Variants in THSD7B observed in about 807,000 individuals in gnomAD.
THSD7B encodes thrombospondin type-1 domain-containing protein 7B.
THSD7B carries 138 observed loss-of-function variants against 213.6 expected under a neutral mutation model. The observed-to-expected ratio is 0.65, with a 90% CI of 0.56 to 0.74. The LOEUF (loss-of-function observed/expected upper bound fraction) is 0.74. Among genes scored for constraint, THSD7B ranks in the 30% least tolerant of loss-of-function variants. THSD7B has a pLI of 0.00. For synonymous variants in THSD7B, 742 were observed against 687.0 expected, an observed-to-expected ratio of 1.08 and a Z score of -1.25; for missense variants, 1,931 against 1,991.5, an observed-to-expected ratio of 0.97 and a Z score of 0.58.
chr2:137,202,821 T>C (rs545933956), intron 7 of THSD7B, among the ~76,000 whole-genome samples: 32 of 152,274 alleles, frequency 2.1e-4, no homozygotes, highest in Admixed American at 1.8e-3. Context: ...TCCAGATTTC[T>C]ATTTGACTCA....
At chr2:137,508,705 G>C (rs1033002690) in intron 15 of THSD7B, among the ~76,000 whole-genome samples, 14 of 151,960 alleles carry the variant, frequency 9.2e-5, no homozygotes, top group Non-Finnish European at 1.9e-4. Flanking sequence ...AGTTAAGCTG[G>C]AGCTCATGTG....
At chr2:136,841,170 T>G (rs912624518) in intron 1 of THSD7B, among the ~76,000 whole-genome samples, 2 of 152,186 alleles carry the variant, frequency 1.3e-5, no homozygotes, top group African/African-American at 4.8e-5. Context: ...GCCAAAGTTT[T>G]ACAGTGGGAA....
At chr2:137,654,605 G>A (rs1683201344) in intron 21 of THSD7B, among the ~76,000 whole-genome samples, 1 of 152,078 alleles carries the variant, frequency 6.6e-6, no homozygotes, top group African/African-American at 2.4e-5. Flanking sequence ...CAGATTCGGG[G>A]GAGGGCTATT....
At chr2:137,038,861 A>G (rs948833639) in intron 2 of THSD7B, among the ~76,000 whole-genome samples, 1 of 152,194 alleles carries the variant, frequency 6.6e-6, no homozygotes, top group Admixed American at 6.5e-5. Flanking sequence ...AGAGTAAGTT[A>G]TATGCTGAGA....
At chr2:136,779,506 T>C (rs1186936092) in intron 1 of THSD7B, among the ~76,000 whole-genome samples, 1 of 152,228 alleles carries the variant, frequency 6.6e-6, no homozygotes, top group Non-Finnish European at 1.5e-5. Flanking sequence ...GTCTCCATTA[T>C]GCTGAGCACA....
At chr2:137,645,483 T>G (rs1440022796) in intron 21 of THSD7B, among the ~76,000 whole-genome samples, 1 of 152,212 alleles carries the variant, frequency 6.6e-6, no homozygotes, top group Non-Finnish European at 1.5e-5. Flanking sequence ...ATGACAGAAA[T>G]TATTAATCTG....
At chr2:137,441,509 G>T (rs531611421) in intron 14 of THSD7B, among the ~76,000 whole-genome samples, 1 of 152,082 alleles carries the variant, frequency 6.6e-6, no homozygotes, top group African/African-American at 2.4e-5. Flanking sequence ...CACTGTGAAG[G>T]TTATTTATTT....
chr2:137,486,850 C>A (rs200882019), intron 15 of THSD7B, among the ~76,000 whole-genome samples: 1 of 152,054 alleles, frequency 6.6e-6, no homozygotes, highest in Non-Finnish European at 1.5e-5. Context: ...CACTCAAAAC[C>A]GCTCAACTAC....
chr2:137,546,438 T>TATATATA (rs1680728533), intron 15 of THSD7B, among the ~76,000 whole-genome samples: 1 of 24,878 alleles, frequency 4.0e-5, no homozygotes, highest in Non-Finnish European at 6.3e-5. Context: ...ATATATATTA[T>TATATATA]ATATATTATA....
intron 12 of THSD7B, among the ~76,000 whole-genome samples, chr2:137,315,515 G>T (rs1180871842): frequency 6.6e-6 from 1 of 151,986 alleles, no homozygotes; most frequent in Non-Finnish European, 1.5e-5. Flanking sequence ...TTCCTATTCA[G>T]CCATCTTGGC....
intron 1 of THSD7B, among the ~76,000 whole-genome samples, chr2:136,807,508 C>CTTTTTTTTTTTTTTT (rs1314267493): frequency 1.0e-4 from 5 of 49,596 alleles, no homozygotes; most frequent in African/African-American, 4.2e-4. Context: ...CAAAATGTTT[C>CTTTTTTTTTTTTTTT]GTTTTTTTTT....
chr2:136,935,465 T>C (rs1282778624), intron 2 of THSD7B, among the ~76,000 whole-genome samples: 1 of 152,142 alleles, frequency 6.6e-6, no homozygotes, highest in Non-Finnish European at 1.5e-5. Flanking sequence ...TTCTCCATGA[T>C]GTAGGGAATA....
chr2:137,382,388 C>T (rs373915790), intron 12 of THSD7B, among the ~76,000 whole-genome samples: 68 of 152,192 alleles, frequency 4.5e-4, no homozygotes, highest in African/African-American at 1.6e-3. Flanking sequence ...GGGTAGTTGA[C>T]CAGGAGTGCC....
intron 2 of THSD7B, among the ~76,000 whole-genome samples, chr2:136,946,814 T>C (rs995190641): frequency 1.2e-4 from 18 of 152,218 alleles, no homozygotes; most frequent in African/African-American, 4.1e-4. Flanking sequence ...AATCTCCTGA[T>C]GTACTATTTG....
rs191653795 is a variant in THSD7B at position 137,173,734 on chromosome 2, C to T, written c.1723+2796C>T. ...AAGCTGTCTTTTGTTCTGTGTGAAACTGAAAATGTGGTCTGGTTACACTTT... is the reference window on the plus strand; with the variant it reads ...AAGCTGTCTTTTGTTCTGTGTGAAATTGAAAATGTGGTCTGGTTACACTTT... On this transcript the variant is annotated intron_variant, in intron 7 of 27. Coordinates refer to ENST00000409968, the MANE Select transcript of THSD7B (RefSeq NM_001316349.2). Among the ~76,000 whole-genome samples the T allele has an allele frequency of 2.6e-5, 4 of 152,260 alleles. No homozygotes were observed. The East Asian group carries it at 5.8e-4, about 22-fold the overall frequency.
chr2:137,176,123 T>C (rs1038369829), intron 7 of THSD7B, among the ~76,000 whole-genome samples: 11 of 152,218 alleles, frequency 7.2e-5, no homozygotes, highest in African/African-American at 1.7e-4. Context: ...GAAAGAAGAA[T>C]AGATTATTCA....
Position 137,275,913 on chromosome 2 carries a change from G to T in THSD7B, c.2397-10G>T. 1.2e-6 allele frequency: 2 copies of T among 1,602,700 alleles called. No individual in the cohort carries two copies. Among genetic ancestry groups the T allele is most frequent in the South Asian group, 1.1e-5 (1 of 89,204 alleles). ...TAAAGTTTCTAGTCCATCGTTTTTGGTAATCACAGGTGGAAGCCACAGAAA... is the reference window on the plus strand; with the variant it reads ...TAAAGTTTCTAGTCCATCGTTTTTGTTAATCACAGGTGGAAGCCACAGAAA... On this transcript the variant is annotated splice_polypyrimidine_tract_variant and intron_variant, in intron 11 of 27. Coordinates refer to ENST00000409968, the MANE Select transcript of THSD7B (RefSeq NM_001316349.2).
intron 2 of THSD7B, among the ~76,000 whole-genome samples, chr2:136,928,705 T>C (rs1421460373): frequency 3.3e-5 from 5 of 152,296 alleles, no homozygotes; most frequent in Non-Finnish European, 5.9e-5. Context: ...TTTGAGGAAG[T>C]CTAACATTAA....
At chr2:137,431,731 A>C (rs1375974228) in intron 14 of THSD7B, among the ~76,000 whole-genome samples, 2 of 152,202 alleles carry the variant, frequency 1.3e-5, no homozygotes, top group Admixed American at 6.5e-5. Flanking sequence ...ATAAAAAAAA[A>C]GTAGAGCTTA....
Sources: allele counts gnomAD v4.1 joint callset (sites outside exome capture counted in the v4.1 genomes callset), GRCh38; gene constraint gnomAD v4.1.1; transcripts MANE v1.5; gene names NCBI Gene and HGNC (gene_info 2026-07-23, HGNC 2026-07-21).